Variants in CYP2J2 observed in about 807,000 individuals in gnomAD.
The protein encoded by CYP2J2 is cytochrome P450 family 2 subfamily J member 2.
A neutral mutation model predicts 48.8 loss-of-function variants in CYP2J2; 41 were observed. The ratio of observed to expected loss-of-function variants is 0.84; its 90% CI spans 0.66 to 1.09. The LOEUF (loss-of-function observed/expected upper bound fraction) is 1.09. Ranked by LOEUF, CYP2J2 falls within the 50% of genes least tolerant of loss-of-function variation. The pLI is 0.00. For synonymous variants in CYP2J2, 221 were observed against 227.1 expected (o/e 0.97, Z 0.24); for missense variants, 644 against 617.3 (o/e 1.04, Z -0.46).
intron 1 of CYP2J2, among the ~76,000 whole-genome samples, chr1:59,925,361 C>CAAA: frequency 6.6e-6 from 1 of 152,230 alleles, no homozygotes; most frequent in Non-Finnish European, 1.5e-5. Flanking sequence ...TTCCACCCAA[C>CAAA]AATAGTCAAA....
rs141264114 is a variant in CYP2J2 at position 59,893,851 on chromosome 1, C to T, written c.1331-22G>A. The T allele has an allele frequency of 4.8e-5, 76 of 1,582,106 alleles. No individual in the cohort carries two copies. In the African/African-American group the frequency reaches 5.9e-4, roughly 12 times the overall value. ...TTTCCTGTAAGACAAAATCAAAAGACGGGTTATCTTCTCAGGTGGCATTTG... is the reference window on the plus strand; with the variant it reads ...TTTCCTGTAAGACAAAATCAAAAGATGGGTTATCTTCTCAGGTGGCATTTG... On this transcript the variant is annotated intron_variant, in intron 8 of 8. Transcript: ENST00000371204.
At chr1:59,943,671 G>A in the CYP2J2 span, among the ~76,000 whole-genome samples, 1 of 151,064 alleles carries the variant, frequency 6.6e-6, no homozygotes, top group African/African-American at 2.4e-5. Flanking sequence ...GAAAATATCT[G>A]AAGCAGTTTT....
At chr1:59,896,304 AAT>A (rs34692176) in intron 8 of CYP2J2, among the ~76,000 whole-genome samples, 35,819 of 149,126 alleles carry the variant, frequency 0.24, 5,724 homozygotes, top group African/African-American at 0.47. Context: ...ACATATATAA[AAT>A]ATATATATAT....
At chr1:59,936,484 C>T in the CYP2J2 span, among the ~76,000 whole-genome samples, 45 of 152,116 alleles carry the variant, frequency 3.0e-4, no homozygotes, top group Non-Finnish European at 4.7e-4. Context: ...TGCACTTTAG[C>T]CCCAGTGACT....
At chr1:59,955,811 A>G in the CYP2J2 span, among the ~76,000 whole-genome samples, 3 of 152,098 alleles carry the variant, frequency 2.0e-5, no homozygotes, top group Non-Finnish European at 4.4e-5. Context: ...CATTGCTTTA[A>G]AAGAAAAGGA....
intron 7 of CYP2J2, 70 bp from the exon 8 acceptor site, chr1:59,901,173 C>T (rs1312416697): frequency 6.5e-7 from 1 of 1,538,474 alleles, no homozygotes; most frequent in African/African-American, 1.4e-5. Flanking sequence ...GAGGGGTGGT[C>T]ATCCTCCGGC....
chr1:59,902,120 T>A (rs771894533), intron 7 of CYP2J2, among the ~76,000 whole-genome samples: 95 of 152,188 alleles, frequency 6.2e-4, no homozygotes, highest in Admixed American at 1.9e-3. Flanking sequence ...TTGCCAGGAA[T>A]GTTCCTCCTC....
rs111379237 is a variant in CYP2J2 at position 59,918,701 on chromosome 1, A to C, written c.211-2601T>G. Among the ~76,000 whole-genome samples, 1,240 of 152,152 alleles carry C rather than the reference A, an allele frequency of 8.1e-3. 14 individuals are homozygous for C. The highest frequency in any genetic ancestry group is 0.028 in the African/African-American group (1,171 of 41,548). On this transcript the variant is annotated intron_variant, in intron 1 of 8. Coordinates refer to ENST00000371204, the MANE Select transcript of CYP2J2 (RefSeq NM_000775.4). ...AAAAAAACCTTAACAGAATAAAACAAAAGGAGATAAAAATAAGATGCCTTT... is the reference window on the plus strand; with the variant it reads ...AAAAAAACCTTAACAGAATAAAACACAAGGAGATAAAAATAAGATGCCTTT...
the CYP2J2 span, among the ~76,000 whole-genome samples, chr1:59,935,027 T>TATATATATATAC: frequency 1.0e-5 from 1 of 100,148 alleles, no homozygotes; most frequent in East Asian, 2.6e-4. Flanking sequence ...TATATATATA[T>TATATATATATAC]ATATATATAT....
intron 1 of CYP2J2, among the ~76,000 whole-genome samples, chr1:59,923,079 T>TC (rs11572210): frequency 0.049 from 7,408 of 152,256 alleles, 432 homozygotes; most frequent in African/African-American, 0.14. Context: ...GAGGTGCACT[T>TC]CCCCTTGGAG....
the CYP2J2 span, among the ~76,000 whole-genome samples, chr1:59,952,941 C>G: frequency 6.6e-6 from 1 of 152,068 alleles, no homozygotes; most frequent in African/African-American, 2.4e-5. Context: ...GGATCAGGTA[C>G]ACAGTAAGTA....
the CYP2J2 span, among the ~76,000 whole-genome samples, chr1:59,950,636 C>T: frequency 6.6e-6 from 1 of 152,174 alleles, no homozygotes; most frequent in Non-Finnish European, 1.5e-5. Flanking sequence ...ACCATAGTGG[C>T]TTGACCAAAA....
At position 59,916,201 on chromosome 1, in the gene CYP2J2, GTGTGTC is replaced by G. The variant is rs888433881; in HGVS notation, c.211-107_211-102del. On this transcript the variant is annotated intron_variant, in intron 1 of 8. Transcript: ENST00000371204. ...GAGGGGATCATATTGAGAGGAGTGC[GTGTGTC>G]TGTGTCTGTGTGTGTACGTGTGTGT... The G allele has an allele frequency of 1.0e-4, 100 of 963,550 alleles. No individual in the cohort carries two copies. In the African/African-American group the frequency reaches 1.4e-3, roughly 14 times the overall value. 59.7% of individuals were successfully genotyped at this position (963,550 alleles called of 1,614,324 possible).
the CYP2J2 span, among the ~76,000 whole-genome samples, chr1:59,957,963 T>C: frequency 6.6e-6 from 1 of 152,094 alleles, no homozygotes; most frequent in Non-Finnish European, 1.5e-5. Context: ...CCATGAATAC[T>C]GTCTTGGCAC....
At chr1:59,918,010 A>G (rs1399389855) in intron 1 of CYP2J2, among the ~76,000 whole-genome samples, 1 of 151,948 alleles carries the variant, frequency 6.6e-6, no homozygotes, top group Non-Finnish European at 1.5e-5. Context: ...CCAAGCCTGA[A>G]CTCAGTCCTT....
the CYP2J2 span, among the ~76,000 whole-genome samples, chr1:59,964,169 T>C: frequency 2.0e-5 from 3 of 152,304 alleles, no homozygotes; most frequent in East Asian, 1.9e-4. Flanking sequence ...GTAAAATTTA[T>C]GAGAAGATAT....
chr1:59,933,098 T>C, the CYP2J2 span, among the ~76,000 whole-genome samples: 2 of 152,172 alleles, frequency 1.3e-5, no homozygotes, highest in African/African-American at 4.8e-5. Flanking sequence ...ATGGAACAAA[T>C]CAGAAAAATT....
At chr1:59,923,125 T>C (rs145140224) in intron 1 of CYP2J2, among the ~76,000 whole-genome samples, 1 of 152,324 alleles carries the variant, frequency 6.6e-6, no homozygotes, top group African/African-American at 2.4e-5. Context: ...CTTCCCTCCG[T>C]AGTAAAGCAT....
the CYP2J2 span, among the ~76,000 whole-genome samples, chr1:59,962,945 T>C: frequency 3.3e-5 from 5 of 152,212 alleles, no homozygotes; most frequent in African/African-American, 9.6e-5. Context: ...GCTGACTCCA[T>C]TGAGTGAATA....
Sources: allele counts gnomAD v4.1 joint callset (sites outside exome capture counted in the v4.1 genomes callset), GRCh38; gene constraint gnomAD v4.1.1; transcripts MANE v1.5; gene names NCBI Gene and HGNC (gene_info 2026-07-23, HGNC 2026-07-21).